FSTL5: variants seen among roughly 807,000 people sequenced by gnomAD.
FSTL5 encodes the protein follistatin-related protein 5.
FSTL5 carries 62 observed loss-of-function variants against 89.1 expected under a neutral mutation model. The observed-to-expected ratio is 0.70, with a 90% CI of 0.57 to 0.86. The LOEUF is 0.86. Ranked by LOEUF, FSTL5 falls within the 40% of genes least tolerant of loss-of-function variation. FSTL5 has a pLI of 0.00. For missense variants in FSTL5, 1,057 were observed against 1,001.6 expected (o/e 1.06, Z -0.75); for synonymous variants, 383 against 346.2 (o/e 1.11, Z -1.18).
At chr4:161,932,137 G>C (rs982231028) in intron 3 of FSTL5, among the ~76,000 whole-genome samples, 1 of 151,920 alleles carries the variant, frequency 6.6e-6, no homozygotes, top group African/African-American at 2.4e-5. Context: ...TAGGGTTCAA[G>C]TTGGGTAAAC....
At chr4:161,936,601 T>A (rs1734439653) in intron 3 of FSTL5, among the ~76,000 whole-genome samples, 1 of 152,112 alleles carries the variant, frequency 6.6e-6, no homozygotes, top group Non-Finnish European at 1.5e-5. Context: ...CAATACCAAG[T>A]ACCGCAGGAA....
At chr4:161,456,623 A>G (rs1292966448) in intron 14 of FSTL5, among the ~76,000 whole-genome samples, 2 of 152,306 alleles carry the variant, frequency 1.3e-5, no homozygotes, top group Admixed American at 6.5e-5. Context: ...TTGTGAATTC[A>G]GTTTCTCCAA....
intron 3 of FSTL5, among the ~76,000 whole-genome samples, chr4:161,968,944 C>T (rs1433290077): frequency 5.8e-5 from 7 of 121,606 alleles, no homozygotes; most frequent in African/African-American, 2.0e-4. Context: ...TACACACACA[C>T]ACACACACAC....
intron 4 of FSTL5, among the ~76,000 whole-genome samples, chr4:161,864,395 G>A (rs1732012182): frequency 6.6e-6 from 1 of 152,070 alleles, no homozygotes; most frequent in South Asian, 2.1e-4. Flanking sequence ...GTACAATAGG[G>A]ATATTATGAC....
chr4:161,883,981 G>A (rs2126913782), intron 4 of FSTL5, among the ~76,000 whole-genome samples: 1 of 152,220 alleles, frequency 6.6e-6, no homozygotes, highest in South Asian at 2.1e-4. Flanking sequence ...TTTCTGTGAA[G>A]TTATGCTTAG....
intron 2 of FSTL5, among the ~76,000 whole-genome samples, chr4:162,039,639 C>T (rs1737872849): frequency 6.6e-6 from 1 of 151,942 alleles, no homozygotes; most frequent in Admixed American, 6.6e-5. Flanking sequence ...CAATAAAGCA[C>T]ATTCAAGCTG....
chr4:161,720,186 A>C (rs1238544436), intron 6 of FSTL5, among the ~76,000 whole-genome samples: 1 of 141,270 alleles, frequency 7.1e-6, no homozygotes, highest in Non-Finnish European at 1.5e-5. Context: ...TATATAATGA[A>C]GCCCTACAAC....
At chr4:161,466,963 T>C (rs1428431272) in intron 13 of FSTL5, among the ~76,000 whole-genome samples, 1 of 151,988 alleles carries the variant, frequency 6.6e-6, no homozygotes, top group Non-Finnish European at 1.5e-5. Context: ...AAATGTTTAG[T>C]TCCAAAATAC....
intron 4 of FSTL5, among the ~76,000 whole-genome samples, chr4:161,778,498 T>C (rs1258310952): frequency 6.6e-6 from 1 of 152,222 alleles, no homozygotes; most frequent in African/African-American, 2.4e-5. Context: ...CTGAATCTCA[T>C]TCTCTTTCGA....
At chr4:161,924,385 CTATATG>C (rs1156563722) in intron 3 of FSTL5, among the ~76,000 whole-genome samples, 1 of 150,402 alleles carries the variant, frequency 6.6e-6, no homozygotes, top group Admixed American at 6.7e-5. Context: ...ATATTCTTGT[CTATATG>C]TATATCTAAT....
chr4:161,604,068 C>G (rs1489788663), intron 7 of FSTL5, among the ~76,000 whole-genome samples: 2 of 152,104 alleles, frequency 1.3e-5, no homozygotes, highest in Non-Finnish European at 2.9e-5. Context: ...CTAACCAACT[C>G]TTGATATTTG....
chr4:162,033,255 A>C (rs1737605998), intron 3 of FSTL5, among the ~76,000 whole-genome samples: 1 of 152,184 alleles, frequency 6.6e-6, no homozygotes, highest in Admixed American at 6.5e-5. Context: ...GCAGTGACTA[A>C]ATAGTTGGGT....
intron 12 of FSTL5, 93 bp downstream of exon 12, chr4:161,499,923 C>T (rs1730237308): frequency 1.4e-6 from 1 of 728,300 alleles, no homozygotes; most frequent in East Asian, 2.6e-5. Context: ...ACACGAGTCT[C>T]ATATATGTAT....
At chr4:161,386,629 G>T in intron 15 of FSTL5, 180 bp from the exon 16 acceptor site, 1 of 564,406 alleles carries the variant, frequency 1.8e-6, no homozygotes, top group Non-Finnish European at 3.1e-6. Flanking sequence ...CTTTCTCTAG[G>T]TCATTCTTTC....
chr4:161,505,811 A>T (rs1012100919), intron 11 of FSTL5, among the ~76,000 whole-genome samples: 2 of 151,734 alleles, frequency 1.3e-5, no homozygotes, highest in African/African-American at 2.4e-5. Flanking sequence ...CAAATTTTTG[A>T]TGAAAAAAAT....
At chr4:161,566,902 T>G (rs1441271580) in intron 8 of FSTL5, among the ~76,000 whole-genome samples, 1 of 152,124 alleles carries the variant, frequency 6.6e-6, no homozygotes, top group Non-Finnish European at 1.5e-5. Flanking sequence ...GCAAATTATT[T>G]TCTGAATTAC....
At chr4:162,046,742 A>G in intron 2 of FSTL5, among the ~76,000 whole-genome samples, 1 of 152,332 alleles carries the variant, frequency 6.6e-6, no homozygotes, top group Middle Eastern at 3.4e-3. Context: ...ATGGAAATAT[A>G]AATAATGAAT....
At chr4:161,563,105 TG>T (rs1732666969) in intron 8 of FSTL5, among the ~76,000 whole-genome samples, 1 of 152,092 alleles carries the variant, frequency 6.6e-6, no homozygotes, top group East Asian at 1.9e-4. Flanking sequence ...CATTTCTTTC[TG>T]CCTTCCAAAC....
intron 2 of FSTL5, among the ~76,000 whole-genome samples, chr4:162,066,355 CCTTCTTCTTCTTCTTCTCCTT>C (rs1738910145): frequency 3.3e-5 from 2 of 61,166 alleles, no homozygotes; most frequent in African/African-American, 1.2e-4. Context: ...TTCTTCTTCT[CCTTCTTCTTCTTCTTCTCCTT>C]CTTCTTCTTC....
Sources: allele counts gnomAD v4.1 joint callset (sites outside exome capture counted in the v4.1 genomes callset), GRCh38; gene constraint gnomAD v4.1.1; transcripts MANE v1.5; gene names NCBI Gene and HGNC (gene_info 2026-07-23, HGNC 2026-07-21).